GALNTL6: variants seen among roughly 807,000 people sequenced by gnomAD.
GALNTL6 encodes polypeptide N-acetylgalactosaminyltransferase like 6, also known as polypeptide N-acetylgalactosaminyltransferase-like 6.
A neutral mutation model predicts 73.7 loss-of-function variants in GALNTL6; 46 were observed. That is an observed-to-expected ratio of 0.62 (90% confidence interval 0.49 to 0.80). The LOEUF (loss-of-function observed/expected upper bound fraction) is 0.80, where lower values mean the gene tolerates loss of function less well. Among genes scored for constraint, GALNTL6 ranks in the 30% least tolerant of loss-of-function variants. The pLI, the probability that GALNTL6 is intolerant of heterozygous loss-of-function variation, is 0.00. For missense variants in GALNTL6, 604 were observed against 755.0 expected, an observed-to-expected ratio of 0.80 and a Z score of 2.34; for synonymous variants, 259 against 263.7, an observed-to-expected ratio of 0.98 and a Z score of 0.17.
At chr4:171,902,941 T>G (rs1737145377) in intron 2 of GALNTL6, among the ~76,000 whole-genome samples, 1 of 152,046 alleles carries the variant, frequency 6.6e-6, no homozygotes, top group South Asian at 2.1e-4. Context: ...TTTACCACAG[T>G]AGGGAGGAGA....
intron 12 of GALNTL6, among the ~76,000 whole-genome samples, chr4:173,035,266 C>T (rs1753645339): frequency 6.6e-6 from 1 of 151,792 alleles, no homozygotes; most frequent in African/African-American, 2.4e-5. Flanking sequence ...GCAACCTCCG[C>T]CTCCCAGGTT....
chr4:172,993,658 G>A (rs919542127), intron 10 of GALNTL6, among the ~76,000 whole-genome samples: 1 of 152,166 alleles, frequency 6.6e-6, no homozygotes, highest in African/African-American at 2.4e-5. Flanking sequence ...ACTACTGTTC[G>A]CTTCCCTCAA....
At chr4:172,949,925 AAAAG>A (rs907568068) in intron 9 of GALNTL6, among the ~76,000 whole-genome samples, 4 of 151,998 alleles carry the variant, frequency 2.6e-5, no homozygotes, top group Non-Finnish European at 5.9e-5. Flanking sequence ...AAAAAAGAAA[AAAAG>A]AAAGAAAAGA....
chr4:172,302,498 G>C (rs926280909), intron 3 of GALNTL6, among the ~76,000 whole-genome samples: 5 of 152,070 alleles, frequency 3.3e-5, no homozygotes, highest in Non-Finnish European at 7.4e-5. Context: ...TTCCTATTAG[G>C]CCATCTTGGC....
intron 2 of GALNTL6, among the ~76,000 whole-genome samples, chr4:171,889,697 A>G (rs1736707554): frequency 6.6e-6 from 1 of 152,110 alleles, no homozygotes; most frequent in Non-Finnish European, 1.5e-5. Context: ...GTCGCAATGG[A>G]GAAAAAGATG....
intron 7 of GALNTL6, among the ~76,000 whole-genome samples, chr4:172,847,477 C>T (rs543335487): frequency 1.3e-5 from 2 of 151,846 alleles, no homozygotes; most frequent in South Asian, 4.2e-4. Flanking sequence ...TCTGTGTATG[C>T]TTGTGTGTAT....
chr4:172,134,845 T>G (rs1176256288), intron 2 of GALNTL6, among the ~76,000 whole-genome samples: 2 of 152,208 alleles, frequency 1.3e-5, no homozygotes, highest in African/African-American at 2.4e-5. Context: ...ATCATGTGGC[T>G]TGTCCCTCCT....
At chr4:172,421,518 G>A (rs1171410062) in intron 5 of GALNTL6, among the ~76,000 whole-genome samples, 1 of 151,510 alleles carries the variant, frequency 6.6e-6, no homozygotes, top group East Asian at 1.9e-4. Flanking sequence ...TAAAAAGGAT[G>A]AGAAATATAT....
chr4:172,559,308 C>T (rs949382518), intron 5 of GALNTL6, among the ~76,000 whole-genome samples: 5 of 151,930 alleles, frequency 3.3e-5, no homozygotes, highest in Admixed American at 6.6e-5. Flanking sequence ...TCGTGATCCA[C>T]CCACCTCGGC....
At chr4:172,153,889 G>C (rs1734172873) in intron 2 of GALNTL6, among the ~76,000 whole-genome samples, 1 of 152,290 alleles carries the variant, frequency 6.6e-6, no homozygotes, top group East Asian at 1.9e-4. Flanking sequence ...CTGCCACCAG[G>C]CCTCTTGACC....
intron 2 of GALNTL6, among the ~76,000 whole-genome samples, chr4:172,040,605 C>A (rs2110838690): frequency 6.6e-6 from 1 of 152,166 alleles, no homozygotes; most frequent in Non-Finnish European, 1.5e-5. Flanking sequence ...TATTGATGGT[C>A]TAATATGTTA....
intron 3 of GALNTL6, among the ~76,000 whole-genome samples, chr4:172,255,018 A>T (rs1394026): frequency 0.99 from 150,184 of 151,758 alleles, 74,318 homozygotes; most frequent in East Asian, 1. Flanking sequence ...GAATTTGTTC[A>T]TATAAGACAT....
At chr4:172,966,445 A>C (rs1194590905) in intron 10 of GALNTL6, among the ~76,000 whole-genome samples, 2 of 149,718 alleles carry the variant, frequency 1.3e-5, no homozygotes, top group African/African-American at 2.5e-5. Flanking sequence ...CGCAGGCTGG[A>C]GTGCAGTCGC....
At chr4:172,763,540 A>G (rs1272339250) in intron 5 of GALNTL6, among the ~76,000 whole-genome samples, 1 of 152,252 alleles carries the variant, frequency 6.6e-6, no homozygotes, top group Admixed American at 6.5e-5. Context: ...ACAGACAATT[A>G]CAATGAACTA....
At chr4:172,223,125 T>C (rs973279429) in intron 2 of GALNTL6, among the ~76,000 whole-genome samples, 1 of 152,050 alleles carries the variant, frequency 6.6e-6, no homozygotes, top group Non-Finnish European at 1.5e-5. Flanking sequence ...TGATCCTGTT[T>C]CAGATAATAT....
chr4:172,095,806 C>T (rs1301863329), intron 2 of GALNTL6, among the ~76,000 whole-genome samples: 1 of 151,898 alleles, frequency 6.6e-6, no homozygotes, highest in African/African-American at 2.4e-5. Context: ...ACTGTTCTTT[C>T]TTTAGCTGTT....
At chr4:172,353,260 C>T (rs553977526) in intron 5 of GALNTL6, among the ~76,000 whole-genome samples, 2 of 152,164 alleles carry the variant, frequency 1.3e-5, no homozygotes, top group South Asian at 2.1e-4. Flanking sequence ...GAGCCAAGAT[C>T]GTGCCACTGC....
intron 5 of GALNTL6, among the ~76,000 whole-genome samples, chr4:172,626,552 G>T (rs997300447): frequency 6.6e-6 from 1 of 151,954 alleles, no homozygotes; most frequent in African/African-American, 2.4e-5. Flanking sequence ...GTGAAAAATT[G>T]CATTAGTAGT....
chr4:172,242,115 A>C (rs1737455460), intron 3 of GALNTL6, among the ~76,000 whole-genome samples: 1 of 152,260 alleles, frequency 6.6e-6, no homozygotes, highest in East Asian at 1.9e-4. Flanking sequence ...TTTTTAAGTA[A>C]TACATTTCTG....
Sources: gnomAD v4.1 joint callset for allele counts (sites outside exome capture counted in the v4.1 genomes callset) on GRCh38, gnomAD v4.1.1 for gene constraint, MANE v1.5 for transcripts, NCBI Gene and HGNC (gene_info 2026-07-23, HGNC 2026-07-21) for gene names.